Variants in ATP11C observed in about 807,000 individuals in gnomAD.
ATP11C encodes the protein phospholipid-transporting ATPase IG.
ATP11C carries 36 observed loss-of-function variants against 97.4 expected under a neutral mutation model. The observed-to-expected ratio is 0.37, with a 90% CI of 0.28 to 0.49. The LOEUF is 0.49. Among genes scored for constraint, ATP11C ranks in the 20% least tolerant of loss-of-function variants. ATP11C has a pLI of 0.98. For synonymous variants in ATP11C, 275 were observed against 290.9 expected (o/e 0.95, Z 0.56); for missense variants, 730 against 824.6 (o/e 0.89, Z 1.40).
intron 1 of ATP11C, among the ~76,000 whole-genome samples, chrX:139,887,137 C>T (rs1364672815): frequency 1.8e-5 from 2 of 111,904 alleles, no homozygotes; most frequent in Admixed American, 1.9e-4. Flanking sequence ...GATGCTGGAA[C>T]AATTAGATAT....
chrX:139,800,226 A>C lies in ATP11C; in HGVS notation c.660-116T>G, dbSNP rs2082898634. 4 of 520,932 alleles carry C rather than the reference A, an allele frequency of 7.7e-6. 1 individual carries two copies. The South Asian group carries it at 1.3e-4, about 16-fold the overall frequency. 42.9% of individuals were successfully genotyped at this position (520,932 alleles called of 1,213,427 possible). On this transcript the variant is annotated intron_variant, in intron 7 of 29. Transcript: ENST00000682941. ...TAAAACAGAGATAGATAAAACTGTG[A>C]ATGAACTACAAAAGCCTATTATATT...
At chrX:139,827,495 A>C (rs1281414310) in intron 1 of ATP11C, among the ~76,000 whole-genome samples, 1 of 111,215 alleles carries the variant, frequency 9.0e-6, no homozygotes, top group Non-Finnish European at 1.9e-5. Context: ...CCGAACCTAA[A>C]AGTTTCAAGA....
intron 4 of ATP11C, among the ~76,000 whole-genome samples, chrX:139,816,187 C>A (rs1368600714): frequency 9.0e-6 from 1 of 111,523 alleles, no homozygotes; most frequent in Non-Finnish European, 1.9e-5. Flanking sequence ...TTCTTTGGTA[C>A]CCTTTTTAAA....
chrX:139,928,318 T>C (rs373309574), intron 1 of ATP11C, among the ~76,000 whole-genome samples: 15 of 111,904 alleles, frequency 1.3e-4, no homozygotes, highest in Admixed American at 3.8e-4. Flanking sequence ...TGTAAAAATA[T>C]TGCAATACAT....
At chrX:139,886,268 G>A (rs769367540) in intron 1 of ATP11C, among the ~76,000 whole-genome samples, 4 of 110,806 alleles carry the variant, frequency 3.6e-5, no homozygotes, top group Non-Finnish European at 5.7e-5. Context: ...ATACACAATA[G>A]TGAAGAACAG....
chrX:139,838,464 C>T (rs900478446), intron 1 of ATP11C, among the ~76,000 whole-genome samples: 1 of 111,288 alleles, frequency 9.0e-6, no homozygotes, highest in African/African-American at 3.3e-5. Context: ...TAATTGGAAC[C>T]CTCATACATT....
At chrX:139,773,184 C>T (rs188266801) in intron 19 of ATP11C, among the ~76,000 whole-genome samples, 123 of 111,432 alleles carry the variant, frequency 1.1e-3, no homozygotes, top group African/African-American at 3.8e-3. Flanking sequence ...TTTCTCTTGT[C>T]GCTGTCATGT....
intron 5 of ATP11C, among the ~76,000 whole-genome samples, chrX:139,807,481 T>C (rs1276765204): frequency 7.2e-5 from 8 of 111,316 alleles, no homozygotes; most frequent in Non-Finnish European, 1.5e-4. Context: ...ACCACTGACC[T>C]CAGTGAATAC....
At chrX:139,915,660 A>AAAAAAG (rs1240727851) in intron 1 of ATP11C, among the ~76,000 whole-genome samples, 3 of 111,491 alleles carry the variant, frequency 2.7e-5, no homozygotes, top group East Asian at 2.8e-4. Flanking sequence ...CTCTATCTCA[A>AAAAAAG]AAAAAGAAAA....
At chrX:139,799,309 A>C (rs2082868105) in intron 8 of ATP11C, among the ~76,000 whole-genome samples, 1 of 111,727 alleles carries the variant, frequency 9.0e-6, no homozygotes, top group South Asian at 3.8e-4. Flanking sequence ...AGGCTGATAC[A>C]TACAATTCGT....
chrX:139,788,475 A>G (rs950777316), intron 13 of ATP11C, 132 bp from the exon 14 acceptor site: 12 of 582,618 alleles, frequency 2.1e-5, no homozygotes, highest in Non-Finnish European at 3.3e-5. Context: ...AGATACGTAT[A>G]AATTCTTAAC....
At chrX:139,902,153 C>A (rs1206737222) in intron 1 of ATP11C, among the ~76,000 whole-genome samples, 1 of 111,168 alleles carries the variant, frequency 9.0e-6, no homozygotes, top group Non-Finnish European at 1.9e-5. Context: ...AGAATGCAAT[C>A]TTTTGTCTCT....
intron 1 of ATP11C, among the ~76,000 whole-genome samples, chrX:139,928,727 CA>C (rs2085390010): frequency 9.0e-6 from 1 of 111,728 alleles, no homozygotes. Context: ...GAAACCAAAG[CA>C]GTTTAAGGGC....
intron 5 of ATP11C, among the ~76,000 whole-genome samples, chrX:139,808,342 G>A (rs1348800702): frequency 9.0e-6 from 1 of 111,414 alleles, no homozygotes; most frequent in Non-Finnish European, 1.9e-5. Flanking sequence ...TAATGACCAA[G>A]AATTATCCAA....
At chrX:139,905,559 C>T (rs1298842224) in intron 1 of ATP11C, among the ~76,000 whole-genome samples, 1 of 111,778 alleles carries the variant, frequency 8.9e-6, no homozygotes, top group Non-Finnish European at 1.9e-5. Flanking sequence ...ATCCCAAAGA[C>T]AATCTATGTA....
intron 1 of ATP11C, among the ~76,000 whole-genome samples, chrX:139,887,466 A>T: frequency 9.0e-6 from 1 of 110,658 alleles, no homozygotes; most frequent in South Asian, 3.9e-4. Context: ...TTCTACAAAA[A>T]AAACCACAAA....
At chrX:139,793,733 CTA>C (rs2082739022) in intron 12 of ATP11C, among the ~76,000 whole-genome samples, 1 of 111,651 alleles carries the variant, frequency 9.0e-6, no homozygotes, top group Non-Finnish European at 1.9e-5. Context: ...CTAAAAGGTG[CTA>C]TATACATGGT....
chrX:139,931,097 A>C (rs1259452450), intron 1 of ATP11C, among the ~76,000 whole-genome samples: 1 of 112,133 alleles, frequency 8.9e-6, no homozygotes, highest in Admixed American at 9.4e-5. Context: ...GCAATTAAGG[A>C]AGTTGCTACA....
chrX:139,824,795 T>C (rs1017622221), intron 2 of ATP11C, among the ~76,000 whole-genome samples: 3 of 112,107 alleles, frequency 2.7e-5, no homozygotes, highest in African/African-American at 9.7e-5. Flanking sequence ...ACATTACTGG[T>C]GGTATTTGTA....
Sources: allele counts gnomAD v4.1 joint callset (sites outside exome capture counted in the v4.1 genomes callset), GRCh38; gene constraint gnomAD v4.1.1; transcripts MANE v1.5; gene names NCBI Gene and HGNC (gene_info 2026-07-23, HGNC 2026-07-21).